Variants in RBM27 observed in about 807,000 individuals in gnomAD.
RBM27 encodes RNA binding motif protein 27, also known as RNA-binding protein 27.
Under a neutral mutation model 135.3 loss-of-function variants are expected in RBM27, and 22 were observed. That is an observed-to-expected ratio of 0.16 (90% CI 0.12 to 0.23). RBM27 has a LOEUF of 0.23. Among genes scored for constraint, RBM27 ranks in the 10% least tolerant of loss-of-function variants. The pLI is 1.00. For synonymous variants in RBM27, 481 were observed against 442.4 expected (o/e 1.09, Z -1.10); for missense variants, 1,009 against 1,281.0 (o/e 0.79, Z 3.24).
At chr5:146,227,383 A>G (rs1483751400) in intron 3 of RBM27, among the ~76,000 whole-genome samples, 1 of 152,194 alleles carries the variant, frequency 6.6e-6, no homozygotes, top group African/African-American at 2.4e-5. Flanking sequence ...AGGATAGAGA[A>G]TGTTTTTTAA....
At chr5:146,233,408 G>A (rs776076944) in intron 6 of RBM27, 42 bp from the exon 7 acceptor site, 2 of 1,496,666 alleles carry the variant, frequency 1.3e-6, no homozygotes, top group South Asian at 1.4e-5. Context: ...TGAACTCTAA[G>A]TAGATGATAA....
chr5:146,286,293 C>T lies in RBM27; in HGVS notation c.*263C>T, dbSNP rs77254226. The stretch of plus-strand genomic sequence containing the variant: ...ATCTCTAGAGCCTTATTTTCCACAC[C>T]ACCTTTTTTTTGTTGCTGTTGGTGT... On this transcript the variant is annotated 3_prime_UTR_variant, in exon 21 of 21. Coordinates refer to ENST00000265271, the MANE Select transcript of RBM27 (RefSeq NM_018989.2). The T allele has an allele frequency of 9.1e-3, 2,303 of 251,878 alleles. 10 individuals carry two copies. Among genetic ancestry groups the T allele is most frequent in the Non-Finnish European group, 0.011 (1,532 of 134,230 alleles). The allele number at this position is 251,878 out of a possible 1,614,324, so 15.6% of individuals were successfully genotyped here.
At position 146,261,030 on chromosome 5, in the gene RBM27, T is replaced by C. The variant is rs538674260; in HGVS notation, c.1893+132T>C. The stretch of plus-strand genomic sequence containing the variant: ...CTGCTAAGTGCTGTAAATGCCACCA[T>C]ATATCTATATACCCACTTTTATGAT... On this transcript the variant is annotated intron_variant, in intron 12 of 20. Transcript: ENST00000265271. 38 of 832,742 alleles carry C rather than the reference T, an allele frequency of 4.6e-5. No homozygotes were observed. In the East Asian group the frequency reaches 7.5e-4, roughly 16 times the overall value. 51.6% of individuals were successfully genotyped at this position (832,742 alleles called of 1,614,324 possible). A position where few individuals can be genotyped will look rare whatever the true frequency, so the allele number is the denominator to read the frequency against.
intron 10 of RBM27, among the ~76,000 whole-genome samples, chr5:146,255,579 A>G (rs1298833857): frequency 6.6e-6 from 1 of 152,240 alleles, no homozygotes; most frequent in Non-Finnish European, 1.5e-5. Flanking sequence ...TACAAAACTT[A>G]GGAATAAACC....
At chr5:146,234,059 G>A (rs1195370672) in intron 7 of RBM27, among the ~76,000 whole-genome samples, 3 of 151,824 alleles carry the variant, frequency 2.0e-5, no homozygotes, top group Admixed American at 6.6e-5. Context: ...TTAGAGACAG[G>A]GTCTCATTAT....
At chr5:146,279,012 C>T (rs1007038469) in intron 19 of RBM27, among the ~76,000 whole-genome samples, 29 of 152,004 alleles carry the variant, frequency 1.9e-4, no homozygotes, top group African/African-American at 4.8e-4. Context: ...TCAGCCCCTG[C>T]GCCTGGCCTT....
At chr5:146,212,267 G>C (rs1755995760) in intron 1 of RBM27, among the ~76,000 whole-genome samples, 1 of 152,150 alleles carries the variant, frequency 6.6e-6, no homozygotes, top group Non-Finnish European at 1.5e-5. Flanking sequence ...TGTTGGCCAG[G>C]CTGGTCTTGA....
At chr5:146,254,453 A>G (rs771557701) in intron 9 of RBM27, among the ~76,000 whole-genome samples, 2 of 151,938 alleles carry the variant, frequency 1.3e-5, no homozygotes, top group Non-Finnish European at 2.9e-5. Flanking sequence ...TTCAGTTTCA[A>G]AAGGTGTGTC....
intron 5 of RBM27, 42 bp from the exon 6 acceptor site, chr5:146,230,615 C>T (rs1756885890): frequency 1.3e-6 from 2 of 1,585,834 alleles, no homozygotes; most frequent in Non-Finnish European, 1.7e-6. Flanking sequence ...CATGAAATAT[C>T]TGATCTCTTT....
intron 1 of RBM27, among the ~76,000 whole-genome samples, chr5:146,207,680 A>T: frequency 7.2e-6 from 1 of 139,592 alleles, no homozygotes; most frequent in Non-Finnish European, 1.5e-5. Context: ...TTTTTTTGAG[A>T]CAGGGTCTCT....
chr5:146,205,481 A>G (rs1390429476), intron 1 of RBM27, among the ~76,000 whole-genome samples: 1 of 152,054 alleles, frequency 6.6e-6, no homozygotes, highest in Non-Finnish European at 1.5e-5. Context: ...TGGTAAAGGA[A>G]CTTCTGGGGG....
At chr5:146,235,033 A>AAAATGAAT (rs1757098445) in intron 7 of RBM27, among the ~76,000 whole-genome samples, 1 of 139,462 alleles carries the variant, frequency 7.2e-6, no homozygotes, top group African/African-American at 2.7e-5. Flanking sequence ...CCCTGTCTCA[A>AAAATGAAT]AAATAAATAA....
chr5:146,277,860 C>G (rs1759161378), intron 19 of RBM27, among the ~76,000 whole-genome samples: 1 of 151,922 alleles, frequency 6.6e-6, no homozygotes, highest in Non-Finnish European at 1.5e-5. Context: ...TGGGACAGTG[C>G]TGCACATTGT....
At chr5:146,243,486 G>A (rs1411944092) in intron 8 of RBM27, among the ~76,000 whole-genome samples, 1 of 152,096 alleles carries the variant, frequency 6.6e-6, no homozygotes, top group East Asian at 1.9e-4. Flanking sequence ...TGGATTTTAA[G>A]ATCTGTGATG....
At chr5:146,224,008 A>G (rs2126725657) in intron 3 of RBM27, among the ~76,000 whole-genome samples, 1 of 152,342 alleles carries the variant, frequency 6.6e-6, no homozygotes, top group African/African-American at 2.4e-5. Flanking sequence ...AAGTATGAAA[A>G]CATGGTTATA....
Position 146,261,813 on chromosome 5 carries a change from T to C in RBM27, c.2190+7T>C, listed in dbSNP as rs1758411855. ...GCACGGAGGTATCCAGAAGGTAATC[T>C]GGTTCACTGGGAATTAAAGGTCTTT... is the stretch of plus-strand genomic sequence containing the variant. On this transcript the variant is annotated splice_region_variant and intron_variant, in intron 13 of 20. Transcript: ENST00000265271. 6.2e-7 allele frequency: 1 copy of C among 1,613,900 alleles called. No homozygotes were observed. The highest frequency in any genetic ancestry group is 8.5e-7 in the Non-Finnish European group (1 of 1,179,794).
chr5:146,244,447 C>T (rs779809673), intron 8 of RBM27, among the ~76,000 whole-genome samples: 2 of 150,786 alleles, frequency 1.3e-5, no homozygotes, highest in African/African-American at 5.0e-5. Flanking sequence ...AAATAAATAA[C>T]TAACTGTGTT....
At position 146,262,746 on chromosome 5, in the gene RBM27, A is replaced by T. The variant is rs1013656275; in HGVS notation, c.2191-745A>T. 4.6e-5 allele frequency among the ~76,000 whole-genome samples: 7 copies of T among 152,350 alleles called. No individual in the cohort carries two copies. The South Asian group carries it at 1.2e-3, about 27-fold the overall frequency. ...GTGAATAGTGTAGAAAAGAGTTCAT[A>T]CTATCACCTTCATGGTGATGATTAA... On this transcript the variant is annotated intron_variant, in intron 13 of 20. Transcript: ENST00000265271.
chr5:146,237,461 G>T (rs1561540227), intron 8 of RBM27, 29 bp downstream of exon 8: 2 of 1,611,564 alleles, frequency 1.2e-6, no homozygotes, highest in Non-Finnish European at 8.5e-7. Flanking sequence ...ACTTAAAATT[G>T]ACAGGGTATA....
Sources: gnomAD v4.1 joint callset for allele counts (sites outside exome capture counted in the v4.1 genomes callset) on GRCh38, gnomAD v4.1.1 for gene constraint, MANE v1.5 for transcripts, NCBI Gene and HGNC (gene_info 2026-07-23, HGNC 2026-07-21) for gene names.